LMX1A: variants seen among roughly 807,000 people sequenced by gnomAD.
LMX1A encodes the protein LIM homeobox transcription factor 1-alpha.
Under a neutral mutation model 49.1 loss-of-function variants are expected in LMX1A, and 15 were observed. That is an observed-to-expected ratio of 0.31 (90% confidence interval 0.20 to 0.47). The LOEUF is 0.47. LMX1A is among the 20% of genes least tolerant of loss of function. The pLI, the probability that LMX1A is intolerant of heterozygous loss-of-function variation, is 1.00. For synonymous variants in LMX1A, 167 were observed against 185.7 expected, an observed-to-expected ratio of 0.90 and a Z score of 0.82; for missense variants, 372 against 475.8, an observed-to-expected ratio of 0.78 and a Z score of 2.03.
Position 165,355,480 on chromosome 1 carries a change from T to C in LMX1A, c.76+4A>G, listed in dbSNP as rs924277782. 1 of 1,613,670 alleles carries C rather than the reference T, an allele frequency of 6.2e-7. No individual in the cohort carries two copies. Among genetic ancestry groups the C allele is most frequent in the Non-Finnish European group, 8.5e-7 (1 of 1,179,858 alleles). On this transcript the variant is annotated splice_donor_region_variant and intron_variant, in intron 2 of 8. Coordinates refer to ENST00000342310, the MANE Select transcript of LMX1A (RefSeq NM_177398.4). The surrounding 1 kb of genome is among the most constrained non-coding windows in gnomAD (Gnocchi z 4.7). ...CGCCCAGGACGCACGGCCTGAACACTCACCCAGCAGCGAGGAGAAGGAGGC... is the reference window on the plus strand; with the variant it reads ...CGCCCAGGACGCACGGCCTGAACACCCACCCAGCAGCGAGGAGAAGGAGGC...
At chr1:165,298,960 CAAT>C (rs1239145670) in intron 3 of LMX1A, among the ~76,000 whole-genome samples, 5 of 152,292 alleles carry the variant, frequency 3.3e-5, no homozygotes, top group East Asian at 1.9e-4. Flanking sequence ...AAGCTGTCTT[CAAT>C]AATAATTTTA....
intron 3 of LMX1A, among the ~76,000 whole-genome samples, chr1:165,322,903 T>C (rs1365826806): frequency 1.9e-4 from 29 of 152,226 alleles, no homozygotes; most frequent in Non-Finnish European, 8.8e-5. Flanking sequence ...TCCCTTTCTT[T>C]TCTGACTTTT....
intron 4 of LMX1A, among the ~76,000 whole-genome samples, chr1:165,243,432 C>G (rs1652733847): frequency 6.6e-6 from 1 of 152,170 alleles, no homozygotes; most frequent in Non-Finnish European, 1.5e-5. Context: ...ATATCTATGA[C>G]AGGCAGCAAT....
At chr1:165,337,560 G>A (rs1655933186) in intron 3 of LMX1A, among the ~76,000 whole-genome samples, 1 of 152,148 alleles carries the variant, frequency 6.6e-6, no homozygotes, top group South Asian at 2.1e-4. Flanking sequence ...ATGGAGACTT[G>A]GTAAGACAGA....
At chr1:165,311,792 G>A (rs759378375) in intron 3 of LMX1A, among the ~76,000 whole-genome samples, 2 of 152,220 alleles carry the variant, frequency 1.3e-5, no homozygotes, top group Non-Finnish European at 2.9e-5. Context: ...TTTGAAGGAT[G>A]ATGGGGCAAA....
intron 3 of LMX1A, among the ~76,000 whole-genome samples, chr1:165,274,429 A>G (rs966827508): frequency 7.9e-5 from 12 of 152,204 alleles, no homozygotes; most frequent in African/African-American, 2.9e-4. Flanking sequence ...TAGGTACTTA[A>G]TAAATGTTGG....
intron 4 of LMX1A, among the ~76,000 whole-genome samples, chr1:165,229,796 T>C (rs1211667254): frequency 1.3e-5 from 2 of 152,204 alleles, no homozygotes; most frequent in Non-Finnish European, 2.9e-5. Context: ...GGGCTCTTTT[T>C]TCTGGTTGTT....
intron 3 of LMX1A, among the ~76,000 whole-genome samples, chr1:165,336,417 G>C (rs1655900793): frequency 6.6e-6 from 1 of 152,162 alleles, no homozygotes; most frequent in African/African-American, 2.4e-5. Context: ...CAGACCCAAA[G>C]AGAGCCCGCA....
chr1:165,353,117 G>A lies in LMX1A; in HGVS notation c.222C>T (p.Phe74=), dbSNP rs1352117885. ...SCKEPLETTC[F]YRDKKLYCKY... ...TGCAGTACAGCTTCTTGTCCCGGTA[G>A]AAGCAGGTGGTCTCCAGGGGCTCTT... Residue 74 remains phenylalanine, a synonymous_variant, in exon 3 of 9, where the codon TTC becomes TTT. Transcript: ENST00000342310. The A allele has an allele frequency of 6.2e-7, 1 of 1,614,246 alleles. No homozygotes were observed. The highest frequency in any genetic ancestry group is 8.5e-7 in the Non-Finnish European group (1 of 1,180,034).
intron 3 of LMX1A, among the ~76,000 whole-genome samples, chr1:165,265,214 A>AAAG (rs1198015021): frequency 6.6e-6 from 1 of 151,760 alleles, no homozygotes; most frequent in African/African-American, 2.4e-5. Flanking sequence ...AAAAAAAAAA[A>AAAG]AAAAGAAAAA....
Position 165,203,524 on chromosome 1 carries a change from GA to G in LMX1A, c.*355del. 1.2e-5 allele frequency: 2 copies of G among 171,864 alleles called. No individual in the cohort carries two copies. The highest frequency in any genetic ancestry group is 2.5e-5 in the Non-Finnish European group (2 of 79,852). 10.6% of individuals were successfully genotyped at this position (171,864 alleles called of 1,614,324 possible). On this transcript the variant is annotated 3_prime_UTR_variant, in exon 9 of 9. Coordinates refer to ENST00000342310, the MANE Select transcript of LMX1A (RefSeq NM_177398.4). ...CCTTCTGTCTATTGGTGTGTAGATG[GA>G]TAGACATATGCACCTCTTGACAAGA...
chr1:165,354,354 T>G (rs1170093590), intron 2 of LMX1A, among the ~76,000 whole-genome samples: 1 of 152,118 alleles, frequency 6.6e-6, no homozygotes, highest in African/African-American at 2.4e-5. Flanking sequence ...CAATTCTATT[T>G]TCTTTCGGTA....
chr1:165,268,950 A>G (rs1161557763), intron 3 of LMX1A, among the ~76,000 whole-genome samples: 1 of 152,258 alleles, frequency 6.6e-6, no homozygotes, highest in Non-Finnish European at 1.5e-5. Context: ...CTGGAACCAA[A>G]GCCAAGGAAT....
intron 3 of LMX1A, among the ~76,000 whole-genome samples, chr1:165,292,458 GA>G (rs1374564884): frequency 6.6e-6 from 1 of 152,202 alleles, no homozygotes; most frequent in Non-Finnish European, 1.5e-5. Flanking sequence ...GAAAAGATAT[GA>G]GAGATATACG....
intron 3 of LMX1A, among the ~76,000 whole-genome samples, chr1:165,316,291 G>T (rs1272357924): frequency 6.6e-6 from 1 of 152,220 alleles, no homozygotes; most frequent in Non-Finnish European, 1.5e-5. Flanking sequence ...ATGAACACAT[G>T]CTGAGAGCTT....
At chr1:165,206,080 G>T (rs375201788) in intron 7 of LMX1A, 46 bp from the exon 8 acceptor site, 18 of 1,478,072 alleles carry the variant, frequency 1.2e-5, no homozygotes, top group Non-Finnish European at 1.5e-5. Context: ...GTGCAGCCTG[G>T]CATGTGATTT....
At chr1:165,225,142 T>C (rs1504707) in intron 4 of LMX1A, among the ~76,000 whole-genome samples, 81,642 of 152,072 alleles carry the variant, frequency 0.54, 24,568 homozygotes, top group Non-Finnish European at 0.67. Context: ...CTGCAACACA[T>C]AGTCTCCAAG....
At chr1:165,305,183 G>A (rs190247411) in intron 3 of LMX1A, among the ~76,000 whole-genome samples, 4 of 152,316 alleles carry the variant, frequency 2.6e-5, no homozygotes, top group African/African-American at 7.2e-5. Context: ...AGAGACATGT[G>A]CAGTTGGACT....
chr1:165,242,045 T>TA (rs763529023), intron 4 of LMX1A, among the ~76,000 whole-genome samples: 2 of 152,206 alleles, frequency 1.3e-5, no homozygotes, highest in Non-Finnish European at 2.9e-5. Context: ...GAAGAAAAGT[T>TA]ACACTGGAAG....
Sources: allele counts gnomAD v4.1 joint callset (sites outside exome capture counted in the v4.1 genomes callset), GRCh38; gene constraint gnomAD v4.1.1; non-coding constraint Gnocchi (gnomAD v3.1); transcripts MANE v1.5; gene names NCBI Gene and HGNC (gene_info 2026-07-23, HGNC 2026-07-21).